The following VCL variants were observed in gnomAD, a reference collection of about 807,000 sequenced individuals.
VCL encodes vinculin.
In VCL, 47 loss-of-function variants were observed where a neutral mutation model predicts 125.7. The observed-to-expected ratio is 0.37, with a 90% confidence interval of 0.30 to 0.48. The LOEUF is 0.48. Ranked by LOEUF, VCL falls within the 20% of genes least tolerant of loss-of-function variation. The probability of loss-of-function intolerance (pLI) is 0.99; values close to 1 mark genes in which losing one functional copy is unlikely to be tolerated. For synonymous variants in VCL, 458 were observed against 514.6 expected, an observed-to-expected ratio of 0.89 and a Z score of 1.49; for missense variants, 1,069 against 1,455.5, an observed-to-expected ratio of 0.73 and a Z score of 4.32.
chr10:74,020,885 G>A (rs1840651431), intron 1 of VCL, among the ~76,000 whole-genome samples: 1 of 145,466 alleles, frequency 6.9e-6, no homozygotes, highest in Admixed American at 7.0e-5. Context: ...AAAACAGTAG[G>A]GTAATCTGTT....
At chr10:74,062,471 A>G (rs553014184) in intron 2 of VCL, among the ~76,000 whole-genome samples, 4 of 147,658 alleles carry the variant, frequency 2.7e-5, no homozygotes, top group African/African-American at 1.0e-4. Context: ...CTCCCAGACC[A>G]TGGTATTAGG....
At chr10:74,002,891 A>G (rs1489265294) in intron 1 of VCL, among the ~76,000 whole-genome samples, 1 of 151,366 alleles carries the variant, frequency 6.6e-6, no homozygotes, top group Non-Finnish European at 1.5e-5. Context: ...AAAAAAAAAA[A>G]AAAAAAGAAA....
At chr10:74,058,496 C>A (rs1841424439) in intron 2 of VCL, among the ~76,000 whole-genome samples, 2 of 152,018 alleles carry the variant, frequency 1.3e-5, no homozygotes, top group African/African-American at 4.8e-5. Context: ...GTATTTATAA[C>A]CTAAAAGGCT....
chr10:74,091,946 G>GTCA (rs1839895294), intron 10 of VCL, among the ~76,000 whole-genome samples: 1 of 151,712 alleles, frequency 6.6e-6, no homozygotes, highest in Non-Finnish European at 1.5e-5. Context: ...GTCTTGCTCT[G>GTCA]CTGCCAGGCT....
chr10:74,022,514 C>T (rs1266842256), intron 1 of VCL, among the ~76,000 whole-genome samples: 2 of 151,198 alleles, frequency 1.3e-5, no homozygotes, highest in Non-Finnish European at 2.9e-5. Context: ...CCATTGAACT[C>T]CAGCTTGGGT....
intron 2 of VCL, among the ~76,000 whole-genome samples, chr10:74,068,266 G>A (rs561970696): frequency 1.3e-5 from 2 of 152,296 alleles, no homozygotes; most frequent in African/African-American, 4.8e-5. Flanking sequence ...GGGCTATTAT[G>A]TAGCTTTATA....
intron 15 of VCL, among the ~76,000 whole-genome samples, chr10:74,104,493 A>G (rs1048899885): frequency 6.6e-6 from 1 of 152,132 alleles, no homozygotes; most frequent in East Asian, 1.9e-4. Context: ...GGAATGAGGA[A>G]TGTAGGCTTT....
intron 1 of VCL, among the ~76,000 whole-genome samples, chr10:74,034,139 T>C (rs1840931135): frequency 6.6e-6 from 1 of 152,230 alleles, no homozygotes. Context: ...TTTTCTTCGC[T>C]CTGATCCATT....
At chr10:74,048,765 C>T (rs943664637) in intron 2 of VCL, among the ~76,000 whole-genome samples, 1 of 152,012 alleles carries the variant, frequency 6.6e-6, no homozygotes, top group Non-Finnish European at 1.5e-5. Context: ...AGATATATTG[C>T]AAATAATATA....
intron 1 of VCL, among the ~76,000 whole-genome samples, chr10:74,036,179 T>C (rs1840972505): frequency 6.6e-6 from 1 of 152,058 alleles, no homozygotes; most frequent in South Asian, 2.1e-4. Context: ...TAAGATCTGT[T>C]TGTTCTTTTC....
chr10:74,052,946 A>AAAATATAT (rs1491502098), intron 2 of VCL, among the ~76,000 whole-genome samples: 1 of 99,812 alleles, frequency 1.0e-5, no homozygotes, highest in Admixed American at 1.1e-4. Flanking sequence ...GAAAAAAAAA[A>AAAATATAT]ATATATATAT....
chr10:74,060,226 G>A (rs974098642), intron 2 of VCL, among the ~76,000 whole-genome samples: 1 of 152,158 alleles, frequency 6.6e-6, no homozygotes, highest in Non-Finnish European at 1.5e-5. Flanking sequence ...GATGACTTGA[G>A]TCTGGGAGGT....
intron 17 of VCL, 115 bp downstream of exon 17, chr10:74,107,469 T>C: frequency 8.4e-6 from 13 of 1,542,242 alleles, no homozygotes; most frequent in Non-Finnish European, 1.2e-5. Context: ...TTAGCTTTCA[T>C]TTGAAGCTTA....
chr10:73,998,410 G>A, intron 1 of VCL, 35 bp downstream of exon 1: 2 of 1,402,960 alleles, frequency 1.4e-6, no homozygotes, highest in Non-Finnish European at 1.9e-6. Flanking sequence ...GAGCGGGCGC[G>A]GGAGGTATCC....
chr10:74,121,103 G>A (rs918192639), downstream of VCL: 3 of 152,150 alleles, frequency 2.0e-5, no homozygotes, highest in Admixed American at 1.3e-4. Flanking sequence ...GAAAGTTGCC[G>A]ACTATAAAGA....
chr10:74,018,782 C>T (rs886425478), intron 1 of VCL, among the ~76,000 whole-genome samples: 2 of 152,092 alleles, frequency 1.3e-5, no homozygotes, highest in Non-Finnish European at 2.9e-5. Flanking sequence ...TCTCCCTTTC[C>T]CCCTTGAACT....
Position 74,071,800 on chromosome 10 carries a change from G to A in VCL, c.499+717G>A, listed in dbSNP as rs992338017. Among the ~76,000 whole-genome samples the A allele has an allele frequency of 6.6e-5, 10 of 152,174 alleles. No homozygotes were observed. Among genetic ancestry groups the A allele is most frequent in the African/African-American group, 2.2e-4 (9 of 41,436 alleles). On this transcript the variant is annotated intron_variant, in intron 4 of 21. Coordinates refer to ENST00000211998, the MANE Select transcript of VCL (RefSeq NM_014000.3). This position sits in a 1 kb window ranked among gnomAD's most constrained non-coding sequence, Gnocchi z 4.1. ...TTAACAGCATTTTTATGAGGTTCCAGTGTAGGTGTTCTGTAAAACTTAATG... is the reference window on the plus strand; with the variant it reads ...TTAACAGCATTTTTATGAGGTTCCAATGTAGGTGTTCTGTAAAACTTAATG...
chr10:74,034,106 C>T (rs1840930630), intron 1 of VCL, among the ~76,000 whole-genome samples: 1 of 152,198 alleles, frequency 6.6e-6, no homozygotes, highest in African/African-American at 2.4e-5. Context: ...TAAATGAATT[C>T]ACAAATGAAC....
At chr10:74,065,367 C>T (rs1169404230) in intron 2 of VCL, among the ~76,000 whole-genome samples, 1 of 151,948 alleles carries the variant, frequency 6.6e-6, no homozygotes, top group Non-Finnish European at 1.5e-5. Context: ...CAACTCCTGA[C>T]CTCTAGTGAT....
Sources: allele counts gnomAD v4.1 joint callset (sites outside exome capture counted in the v4.1 genomes callset), GRCh38; gene constraint gnomAD v4.1.1; non-coding constraint Gnocchi (gnomAD v3.1); transcripts MANE v1.5; gene names NCBI Gene and HGNC (gene_info 2026-07-23, HGNC 2026-07-21).